The following PRKAA2 variants were observed in gnomAD, a reference collection of about 807,000 sequenced individuals.
PRKAA2 encodes protein kinase AMP-activated catalytic subunit alpha 2, also known as 5'-AMP-activated protein kinase catalytic subunit alpha-2.
Under a neutral mutation model 56.3 loss-of-function variants are expected in PRKAA2, and 40 were observed. The ratio of observed to expected loss-of-function variants is 0.71; its 90% confidence interval spans 0.55 to 0.92. The LOEUF is 0.92. Ranked by LOEUF, PRKAA2 falls within the 40% of genes least tolerant of loss-of-function variation. PRKAA2 has a pLI of 0.00. For missense variants in PRKAA2, 542 were observed against 686.9 expected (o/e 0.79, Z 2.36); for synonymous variants, 214 against 234.2 (o/e 0.91, Z 0.79).
At chr1:56,696,832 A>C (rs1644261735) in intron 6 of PRKAA2, among the ~76,000 whole-genome samples, 1 of 151,992 alleles carries the variant, frequency 6.6e-6, no homozygotes, top group Non-Finnish European at 1.5e-5. Context: ...TGACCTTTGT[A>C]TATCCCACAC....
intron 1 of PRKAA2, among the ~76,000 whole-genome samples, chr1:56,672,395 G>A (rs1278910393): frequency 6.6e-6 from 1 of 152,154 alleles, no homozygotes; most frequent in Non-Finnish European, 1.5e-5. Flanking sequence ...GGGATTACAG[G>A]CATGAGCTGT....
chr1:56,682,778 T>C (rs188680537), intron 2 of PRKAA2, among the ~76,000 whole-genome samples: 4 of 152,242 alleles, frequency 2.6e-5, no homozygotes, highest in Admixed American at 2.6e-4. Context: ...TAATCTAGAT[T>C]AGTGTTGGCT....
intron 1 of PRKAA2, among the ~76,000 whole-genome samples, chr1:56,658,094 G>A (rs769124987): frequency 3.3e-5 from 5 of 152,168 alleles, no homozygotes; most frequent in Non-Finnish European, 5.9e-5. Context: ...ATTTTTATTA[G>A]ACTGAAGTTA....
chr1:56,672,694 T>G (rs1238078970), intron 1 of PRKAA2, among the ~76,000 whole-genome samples: 1 of 152,126 alleles, frequency 6.6e-6, no homozygotes, highest in Non-Finnish European at 1.5e-5. Flanking sequence ...TGGTGTCTGA[T>G]GAAATAGAGG....
rs943661147 is a variant in PRKAA2, at chr1:56,712,305, G to A, written c.*4592G>A. On this transcript the variant is annotated 3_prime_UTR_variant, in exon 9 of 9. Coordinates refer to ENST00000371244, the MANE Select transcript of PRKAA2 (RefSeq NM_006252.4). ...AATAAAACATCAGAGTGGTTGAGTA[G>A]TAAAAATAAACACAGATGTATTGCT... The A allele has an allele frequency of 3.9e-5, 6 of 152,122 alleles. No individual in the cohort carries two copies. The highest frequency in any genetic ancestry group is 1.2e-4 in the African/African-American group (5 of 41,430). 9.4% of individuals were successfully genotyped at this position (152,122 alleles called of 1,614,324 possible).
rs17848596 is a variant in PRKAA2, at chr1:56,692,477, C to G, written c.450C>G (p.His150Gln). The G allele has an allele frequency of 2.5e-6, 4 of 1,613,934 alleles. No homozygotes were observed. In the East Asian group the frequency reaches 8.9e-5, roughly 36 times the overall value. ...CAGAGAATGTCCTGTTGGATGCACA[C>G]ATGAATGCCAAGATAGCCGATTTCG... is the stretch of plus-strand genomic sequence containing the variant. ...LKPENVLLDA[H>Q]MNAKIADFGL... Residue 150 changes from histidine (H) to glutamine (Q), a missense_variant, in exon 4 of 9, where the codon CAC becomes CAG. Coordinates refer to ENST00000371244, the MANE Select transcript of PRKAA2 (RefSeq NM_006252.4).
chr1:56,714,729 G>A lies in PRKAA2; in HGVS notation c.*7016G>A, dbSNP rs1191756624. ...GAACTCTAAGGATAGTATCTTTATTGTTTTAGGAAGAATGGTTGTGTTCTT... is the reference window on the plus strand; with the variant it reads ...GAACTCTAAGGATAGTATCTTTATTATTTTAGGAAGAATGGTTGTGTTCTT... On this transcript the variant is annotated 3_prime_UTR_variant, in exon 9 of 9. Transcript: ENST00000371244. The A allele has an allele frequency of 3.3e-5, 5 of 152,204 alleles. No individual in the cohort carries two copies. The East Asian group carries it at 9.6e-4, about 29-fold the overall frequency. 9.4% of individuals were successfully genotyped at this position (152,204 alleles called of 1,614,324 possible). A position where few individuals can be genotyped will look rare whatever the true frequency, so the allele number is the denominator to read the frequency against.
rs1363611750 is a variant in PRKAA2 at position 56,704,315 on chromosome 1, C to CCAAA, written c.1134_1137dup (p.Ala380GlnfsTer13). The stretch of plus-strand genomic sequence containing the variant: ...ATGCCACCTCTTATAGCAGACAGCC[C>CCAAA]CAAAGCAAGATGTCCATTGGATGCA... On this transcript the variant is annotated frameshift_variant, in exon 7 of 9. Transcript: ENST00000371244. LOFTEE classifies it high-confidence loss of function. The CCAAA allele has an allele frequency of 6.2e-7, 1 of 1,614,072 alleles. No homozygotes were observed. The highest frequency in any genetic ancestry group is 8.5e-7 in the Non-Finnish European group (1 of 1,180,010).
intron 6 of PRKAA2, among the ~76,000 whole-genome samples, chr1:56,697,012 A>ATGTTTTTTTTTTTTTTTTTT (rs1644262825): frequency 1.7e-5 from 1 of 57,870 alleles, no homozygotes; most frequent in Non-Finnish European, 3.0e-5. Context: ...CCAGCAAAGA[A>ATGTTTTTTTTTTTTTTTTTT]TTTTTTTTTT....
chr1:56,699,126 A>G (rs1010661189), intron 6 of PRKAA2, among the ~76,000 whole-genome samples: 3 of 152,208 alleles, frequency 2.0e-5, no homozygotes, highest in Non-Finnish European at 4.4e-5. Context: ...AAATGATTGA[A>G]TATCAGAAAC....
chr1:56,698,196 C>T (rs1222378639), intron 6 of PRKAA2, among the ~76,000 whole-genome samples: 2 of 151,090 alleles, frequency 1.3e-5, no homozygotes, highest in Admixed American at 6.6e-5. Context: ...GGATTACAGG[C>T]ATAAGCCACC....
intron 2 of PRKAA2, among the ~76,000 whole-genome samples, chr1:56,683,407 G>A (rs2796508): frequency 0.99 from 150,108 of 152,246 alleles, 74,001 homozygotes; most frequent in East Asian, 1. Context: ...ATGAAAGTGT[G>A]AGGAATATGG....
At chr1:56,662,772 A>G (rs935037653) in intron 1 of PRKAA2, among the ~76,000 whole-genome samples, 2 of 151,886 alleles carry the variant, frequency 1.3e-5, no homozygotes, top group African/African-American at 4.8e-5. Context: ...GTTTTTTTTT[A>G]ATATTAGGAA....
intron 1 of PRKAA2, among the ~76,000 whole-genome samples, chr1:56,660,978 G>A (rs893647340): frequency 6.6e-6 from 1 of 152,072 alleles, no homozygotes; most frequent in Non-Finnish European, 1.5e-5. Context: ...GTTTCACCAC[G>A]GGCAGAGGTG....
At chr1:56,691,366 T>C in intron 2 of PRKAA2, 28 bp from the exon 3 acceptor site, 1 of 1,556,254 alleles carries the variant, frequency 6.4e-7, no homozygotes, top group South Asian at 1.1e-5. Context: ...TAACATACTT[T>C]GTTAACTTTT....
At chr1:56,693,889 G>A (rs772442733) in intron 5 of PRKAA2, 37 bp downstream of exon 5, 2 of 1,383,152 alleles carry the variant, frequency 1.4e-6, no homozygotes, top group Non-Finnish European at 2.0e-6. Context: ...TTGTAATCTT[G>A]TGTTCATTTT....
intron 1 of PRKAA2, among the ~76,000 whole-genome samples, chr1:56,645,935 T>TAC (rs1646637402): frequency 6.6e-6 from 1 of 152,160 alleles, no homozygotes; most frequent in Admixed American, 6.5e-5. Flanking sequence ...TTAGGTGCTT[T>TAC]ACATGGAATC....
At chr1:56,707,444 A>C in intron 8 of PRKAA2, 31 bp from the exon 9 acceptor site, 1 of 1,571,188 alleles carries the variant, frequency 6.4e-7, no homozygotes, top group Non-Finnish European at 8.8e-7. Context: ...TATACTTTCC[A>C]TATAAATTGC....
chr1:56,688,283 T>C (rs12090117), intron 2 of PRKAA2, among the ~76,000 whole-genome samples: 3,908 of 152,276 alleles, frequency 0.026, 191 homozygotes, highest in African/African-American at 0.089. Context: ...TTTGCTATGA[T>C]TTTTCAGTTT....
Sources: gnomAD v4.1 joint callset for allele counts (sites outside exome capture counted in the v4.1 genomes callset) on GRCh38, gnomAD v4.1.1 for gene constraint, MANE v1.5 for transcripts, NCBI Gene and HGNC (gene_info 2026-07-23, HGNC 2026-07-21) for gene names.